Variants in HSD17B4 observed in about 807,000 individuals in gnomAD.
HSD17B4 encodes the protein hydroxysteroid 17-beta dehydrogenase 4, also known as peroxisomal multifunctional enzyme type 2.
In HSD17B4, 70 loss-of-function variants were observed where a neutral mutation model predicts 101.0. The observed-to-expected ratio is 0.69, with a 90% CI of 0.57 to 0.85. HSD17B4 has a LOEUF of 0.85. HSD17B4 is among the 40% of genes least tolerant of loss of function. The pLI, the probability that HSD17B4 is intolerant of heterozygous loss-of-function variation, is 0.00. For synonymous variants in HSD17B4, 347 were observed against 297.1 expected, an observed-to-expected ratio of 1.17 and a Z score of -1.73; for missense variants, 984 against 892.4, an observed-to-expected ratio of 1.10 and a Z score of -1.31.
intron 22 of HSD17B4, among the ~76,000 whole-genome samples, chr5:119,533,330 C>T (rs1226032200): frequency 6.7e-6 from 1 of 149,240 alleles, no homozygotes; most frequent in East Asian, 2.0e-4. Context: ...TATTTACAGG[C>T]TGTGTGTCAG....
intron 16 of HSD17B4, among the ~76,000 whole-genome samples, chr5:119,513,645 G>C (rs2126829779): frequency 6.6e-6 from 1 of 152,246 alleles, no homozygotes; most frequent in Non-Finnish European, 1.5e-5. Flanking sequence ...CGTGCTCCCT[G>C]TATGTTCTTT....
chr5:119,533,865 G>A (rs1271512816), intron 22 of HSD17B4, among the ~76,000 whole-genome samples: 1 of 152,038 alleles, frequency 6.6e-6, no homozygotes, highest in Non-Finnish European at 1.5e-5. Flanking sequence ...ATGGAATAAT[G>A]GTTCTAAAAT....
chr5:119,513,155 A>G (rs944691105), intron 16 of HSD17B4, among the ~76,000 whole-genome samples: 1 of 152,218 alleles, frequency 6.6e-6, no homozygotes, highest in Admixed American at 6.5e-5. Flanking sequence ...ATTCACAGGT[A>G]GCAAATTATG....
At chr5:119,483,588 A>T (rs1749342430) in intron 8 of HSD17B4, among the ~76,000 whole-genome samples, 1 of 152,162 alleles carries the variant, frequency 6.6e-6, no homozygotes, top group African/African-American at 2.4e-5. Flanking sequence ...ATTTTAAAAA[A>T]TGCTTTTTAT....
intron 22 of HSD17B4, among the ~76,000 whole-genome samples, chr5:119,532,015 C>T (rs2126899139): frequency 6.6e-6 from 1 of 152,208 alleles, no homozygotes; most frequent in East Asian, 1.9e-4. Context: ...CAAAGAGACC[C>T]TGGTACCATT....
chr5:119,526,785 C>T (rs2126879486), intron 19 of HSD17B4, among the ~76,000 whole-genome samples: 1 of 151,956 alleles, frequency 6.6e-6, no homozygotes, highest in East Asian at 1.9e-4. Context: ...AGGCCTCATT[C>T]CTTAGACTTA....
At chr5:119,517,182 C>T (rs1318251888) in intron 17 of HSD17B4, among the ~76,000 whole-genome samples, 4 of 152,200 alleles carry the variant, frequency 2.6e-5, no homozygotes, top group African/African-American at 7.2e-5. Context: ...GTGGGCTTGG[C>T]GGGCCCGGCA....
rs1489041382 is a variant in HSD17B4 at position 119,525,273 on chromosome 5, G to A, written c.1561G>A (p.Ala521Thr). 1 of 1,608,546 alleles carries A rather than the reference G, an allele frequency of 6.2e-7. No individual in the cohort carries two copies. The highest frequency in any genetic ancestry group is 8.5e-7 in the Non-Finnish European group (1 of 1,175,438). The change falls in exon 18 of 24, where the codon GCT (alanine) becomes ACT (threonine). Residue 521 changes from alanine to threonine, a missense_variant. Ala to Thr is a moderately conservative substitution (Grantham distance 58). Transcript: ENST00000510025. Reference protein sequence around the residue: ...WNPLHIDPNFASLAGFDKPIL... With the variant: ...WNPLHIDPNFTSLAGFDKPIL... ...TCCCTTACACATTGATCCTAACTTT[G>A]CTAGTCTAGCAGGTGAGTTGTCTTT... is the stretch of plus-strand genomic sequence containing the variant.
chr5:119,530,910 A>G (rs182745842), intron 21 of HSD17B4, among the ~76,000 whole-genome samples: 1 of 151,384 alleles, frequency 6.6e-6, no homozygotes, highest in Non-Finnish European at 1.5e-5. Context: ...GCTGTAAAGA[A>G]ATTCAGACTT....
At chr5:119,520,651 G>C (rs1294270092) in intron 17 of HSD17B4, among the ~76,000 whole-genome samples, 2 of 152,148 alleles carry the variant, frequency 1.3e-5, no homozygotes, top group African/African-American at 4.8e-5. Flanking sequence ...ATTGCCTGCT[G>C]TCCAATGTCT....
At chr5:119,489,377 A>G in intron 9 of HSD17B4, 94 bp downstream of exon 9, 1 of 819,414 alleles carries the variant, frequency 1.2e-6, no homozygotes, top group Non-Finnish European at 2.1e-6. Context: ...TATATTTTTA[A>G]ATATTGTGTC....
chr5:119,531,197 T>A, intron 21 of HSD17B4, 69 bp from the exon 22 acceptor site: 2 of 1,520,432 alleles, frequency 1.3e-6, no homozygotes, highest in Middle Eastern at 1.7e-4. Context: ...TTGCACATGT[T>A]TTATAATCAC....
At chr5:119,512,855 G>A (rs930737240) in intron 16 of HSD17B4, among the ~76,000 whole-genome samples, 2 of 152,136 alleles carry the variant, frequency 1.3e-5, no homozygotes, top group Non-Finnish European at 2.9e-5. Context: ...GACTGCTGAT[G>A]GCTATAGGGT....
At chr5:119,535,128 G>A (rs1443853245) in intron 22 of HSD17B4, among the ~76,000 whole-genome samples, 3 of 151,874 alleles carry the variant, frequency 2.0e-5, no homozygotes, top group Non-Finnish European at 4.4e-5. Context: ...GCATTTAAGA[G>A]TAACTTGCAG....
At chr5:119,517,962 A>C (rs564765930) in intron 17 of HSD17B4, among the ~76,000 whole-genome samples, 104 of 152,200 alleles carry the variant, frequency 6.8e-4, no homozygotes, top group African/African-American at 2.4e-3. Context: ...GAGAACCTTT[A>C]TGTCTAGCTC....
At position 119,536,483 on chromosome 5, in the gene HSD17B4, A is replaced by T. The variant is rs370987467; in HGVS notation, c.2054A>T (p.Asp685Val). 1 of 1,612,400 alleles carries T rather than the reference A, an allele frequency of 6.2e-7. No individual in the cohort carries two copies. The highest frequency in any genetic ancestry group is 1.1e-5 in the South Asian group (1 of 91,064). Reference protein sequence around the residue: ...VYQGPAKGAADTTIILSDEDF... With the variant: ...VYQGPAKGAAVTTIILSDEDF... ...CAAGGCCCTGCAAAAGGTGCTGCTG[A>T]TACAACAATCATACTTTCAGATGAA... Residue 685 changes from aspartate to valine, a missense_variant, in exon 23 of 24, where the codon GAT (aspartate) becomes GTT (valine). Asp to Val is a radical substitution (Grantham distance 152). Transcript: ENST00000510025.
At position 119,473,703 on chromosome 5, in the gene HSD17B4, T is replaced by C. The variant is rs2451816; in HGVS notation, c.113-205T>C. On this transcript the variant is annotated intron_variant, in intron 2 of 23. Coordinates refer to ENST00000510025, the MANE Select transcript of HSD17B4 (RefSeq NM_000414.4). Reference sequence around the variant, plus strand: ...AACCTGTATTTAAATAGTTTTGCTGTTTCTTTATGTCTGTATTCAAAAATG... The same window carrying C: ...AACCTGTATTTAAATAGTTTTGCTGCTTCTTTATGTCTGTATTCAAAAATG... Among the ~76,000 whole-genome samples, 55,941 of 151,984 alleles carry C rather than the reference T, an allele frequency of 0.37. 12,710 individuals carry two copies. The highest frequency in any genetic ancestry group is 0.5 in the East Asian group (2,585 of 5,168).
At chr5:119,494,081 T>A in intron 11 of HSD17B4, 135 bp downstream of exon 11, 2 of 808,170 alleles carry the variant, frequency 2.5e-6, no homozygotes, top group South Asian at 3.0e-5. Context: ...TTTTCTGCTC[T>A]AGTAGGTATT....
In HSD17B4 at chr5:119,460,381, T is replaced by C. The variant is rs902647150; in HGVS notation, c.112+4013T>C. ...GGGAGAAAGATCATAAGAAGGCACA[T>C]GTGAATTCCAGCTGATAATAAATGA... On this transcript the variant is annotated intron_variant, in intron 2 of 23. Transcript: ENST00000510025. Among the ~76,000 whole-genome samples the C allele has an allele frequency of 7.9e-5, 12 of 152,300 alleles. No homozygotes were observed. The East Asian group carries it at 2.3e-3, about 29-fold the overall frequency.
Sources: gnomAD v4.1 joint callset for allele counts (sites outside exome capture counted in the v4.1 genomes callset) on GRCh38, gnomAD v4.1.1 for gene constraint, MANE v1.5 for transcripts, NCBI Gene and HGNC (gene_info 2026-07-23, HGNC 2026-07-21) for gene names.